The following TOP1 variants were observed in gnomAD, a reference collection of about 807,000 sequenced individuals.
TOP1 encodes DNA topoisomerase I.
Under a neutral mutation model 111.1 loss-of-function variants are expected in TOP1, and 10 were observed. The observed-to-expected ratio is 0.09, with a 90% CI of 0.06 to 0.15. TOP1 has a LOEUF of 0.15. Among genes scored for constraint, TOP1 ranks in the 10% least tolerant of loss-of-function variants. TOP1 has a pLI of 1.00. For synonymous variants in TOP1, 271 were observed against 302.9 expected (o/e 0.89, Z 1.10); for missense variants, 474 against 926.7 (o/e 0.51, Z 6.34).
chr20:41,105,807 T>TTAAG (rs1384734114), intron 13 of TOP1, among the ~76,000 whole-genome samples: 1 of 152,230 alleles, frequency 6.6e-6, no homozygotes, highest in South Asian at 2.1e-4. Context: ...TATTCTCTTG[T>TTAAG]TAAGAGGCAT....
chr20:41,073,085 G>A lies in TOP1; in HGVS notation c.156-3086G>A, dbSNP rs2033685831. 1.3e-5 allele frequency: 13 copies of A among 985,382 alleles called. 1 individual carries two copies. Among genetic ancestry groups the A allele is most frequent in the Non-Finnish European group, 1.6e-5 (13 of 829,916 alleles). The allele number at this position is 985,382 out of a possible 1,614,324, so 61.0% of individuals were successfully genotyped here. ...GTTGACTTTTGGCTTCCTGGCAAATGTCTCATTTGCCTTGTCATTTGTTGA... is the reference window on the plus strand; with the variant it reads ...GTTGACTTTTGGCTTCCTGGCAAATATCTCATTTGCCTTGTCATTTGTTGA... On this transcript the variant is annotated intron_variant, in intron 3 of 20. Transcript: ENST00000361337.
Position 41,097,843 on chromosome 20 carries a change from C to T in TOP1, c.853-372C>T, listed in dbSNP as rs542493860. Among the ~76,000 whole-genome samples the T allele has an allele frequency of 1.4e-4, 21 of 152,260 alleles. No individual in the cohort carries two copies. Among genetic ancestry groups the T allele is most frequent in the Non-Finnish European group, 2.8e-4 (19 of 68,032 alleles). ...CAGTAAAGTTTACTTCCTGAACTAG[C>T]TCAGAAAAAGCAGACTTAATAAATG... On this transcript the variant is annotated intron_variant, in intron 10 of 20. Coordinates refer to ENST00000361337, the MANE Select transcript of TOP1 (RefSeq NM_003286.4). This position sits in a 1 kb window ranked among gnomAD's most constrained non-coding sequence, Gnocchi z 4.2.
intron 2 of TOP1, among the ~76,000 whole-genome samples, chr20:41,049,683 G>A (rs1282402273): frequency 2.0e-5 from 3 of 152,186 alleles, no homozygotes; most frequent in Non-Finnish European, 4.4e-5. Context: ...TATGAAACTT[G>A]ATGAGGGCAG....
intron 3 of TOP1, among the ~76,000 whole-genome samples, chr20:41,066,320 G>A (rs1038926489): frequency 1.3e-5 from 2 of 150,374 alleles, no homozygotes; most frequent in African/African-American, 4.9e-5. Flanking sequence ...TTTAAGTCTC[G>A]TGATCTTGGC....
Position 41,080,056 on chromosome 20 carries a change from C to G in TOP1, c.336-29C>G, listed in dbSNP as rs2145937560. On this transcript the variant is annotated intron_variant, in intron 5 of 20. Coordinates refer to ENST00000361337, the MANE Select transcript of TOP1 (RefSeq NM_003286.4). This position sits in a 1 kb window ranked among gnomAD's most constrained non-coding sequence, Gnocchi z 5.0. ...TTAATAGAATACAGATGTTCTAGCA[C>G]TCTGACCAGCAATTTTTTTTCTCTT... is the stretch of plus-strand genomic sequence containing the variant. 1 of 1,382,844 alleles carries G rather than the reference C, an allele frequency of 7.2e-7. No homozygotes were observed. The highest frequency in any genetic ancestry group is 1.0e-6 in the Non-Finnish European group (1 of 976,718). 85.7% of individuals were successfully genotyped at this position (1,382,844 alleles called of 1,614,324 possible). A position where few individuals can be genotyped will look rare whatever the true frequency, so the allele number is the denominator to read the frequency against.
At chr20:41,048,481 C>T (rs891196910) in intron 2 of TOP1, among the ~76,000 whole-genome samples, 1 of 152,084 alleles carries the variant, frequency 6.6e-6, no homozygotes, top group Non-Finnish European at 1.5e-5. Context: ...TGTGACCAGA[C>T]GTAAGGGGTC....
Position 41,079,984 on chromosome 20 carries a change from A to G in TOP1, c.336-101A>G. 1.3e-6 allele frequency: 1 copy of G among 756,472 alleles called. No homozygotes were observed. The highest frequency in any genetic ancestry group is 2.3e-6 in the Non-Finnish European group (1 of 441,514). 46.9% of individuals were successfully genotyped at this position (756,472 alleles called of 1,614,324 possible). On this transcript the variant is annotated intron_variant, in intron 5 of 20. Transcript: ENST00000361337. The surrounding 1 kb of genome is among the most constrained non-coding windows in gnomAD (Gnocchi z 4.0). ...TCATGATATGTACGTGGTTATCCTT[A>G]TTTCTGTTAGCTTCTTTTCAACGAA...
At chr20:41,053,067 A>G (rs2033426104) in intron 2 of TOP1, among the ~76,000 whole-genome samples, 1 of 152,170 alleles carries the variant, frequency 6.6e-6, no homozygotes, top group African/African-American at 2.4e-5. Context: ...TTTATTTTTT[A>G]ATATGCTCCT....
In TOP1 at chr20:41,089,020, C is replaced by CTTTTTTTTTTTTTTTTTTTTTTTTTT. The variant is rs59200685; in HGVS notation, c.615-3430_615-3429insTTTTTTTTTTTTTTTTTTTTTTTTTT. Among the ~76,000 whole-genome samples, 51 of 77,896 alleles carry CTTTTTTTTTTTTTTTTTTTTTTTTTT rather than the reference C, an allele frequency of 6.5e-4. 11 individuals carry two copies. The highest frequency in any genetic ancestry group is 2.7e-3 in the African/African-American group (43 of 15,820). 51.1% of individuals were successfully genotyped at this position (77,896 alleles called of 152,430 possible). A position where few individuals can be genotyped will look rare whatever the true frequency, so the allele number is the denominator to read the frequency against. On this transcript the variant is annotated intron_variant, in intron 8 of 20. Transcript: ENST00000361337. ...TCCCCACTTCTCTGTTGCCCCAGTT[C>CTTTTTTTTTTTTTTTTTTTTTTTTTT]TTTTTTTTTTTTTTTTTTTTTTGAG...
At chr20:41,107,274 CATT>C (rs1186502052) in intron 13 of TOP1, among the ~76,000 whole-genome samples, 1 of 152,182 alleles carries the variant, frequency 6.6e-6, no homozygotes, top group Non-Finnish European at 1.5e-5. Flanking sequence ...TATTACCAAT[CATT>C]ATTTCTTCCA....
chr20:41,048,956 G>A (rs1240107156), intron 2 of TOP1, among the ~76,000 whole-genome samples: 1 of 152,126 alleles, frequency 6.6e-6, no homozygotes, highest in African/African-American at 2.4e-5. Context: ...AGGAGAGAAG[G>A]TTGTAAAATA....
rs1434904167 is a variant in TOP1, at chr20:41,067,970, C to T, written c.155+6480C>T. 6.6e-6 allele frequency among the ~76,000 whole-genome samples: 1 copy of T among 152,182 alleles called. No individual in the cohort carries two copies. On this transcript the variant is annotated intron_variant, in intron 3 of 20. Transcript: ENST00000361337. The surrounding 1 kb of genome is among the most constrained non-coding windows in gnomAD (Gnocchi z 4.0). ...GTGGACAGGAGTCTGAGGTCACATG[C>T]TCTAAGTCCCACAGTGATGTGGTAG...
chr20:41,099,944 G>C (rs2034036300), intron 11 of TOP1, 112 bp from the exon 12 acceptor site: 2 of 663,098 alleles, frequency 3.0e-6, no homozygotes, highest in South Asian at 3.2e-5. Context: ...TTATTTTTTA[G>C]TGATTTTTCA....
At position 41,115,448 on chromosome 20, in the gene TOP1, A is replaced by T; in HGVS notation, c.1707+9A>T. The T allele has an allele frequency of 6.2e-7, 1 of 1,607,128 alleles. No individual in the cohort carries two copies. The highest frequency in any genetic ancestry group is 2.2e-5 in the East Asian group (1 of 44,840). Reference sequence around the variant, plus strand: ...TTTTTGATAGACTCAATGTGAGTAGATGAAGCACACAATGTTGAAGGGAGT... The same window carrying T: ...TTTTTGATAGACTCAATGTGAGTAGTTGAAGCACACAATGTTGAAGGGAGT... On this transcript the variant is annotated intron_variant, in intron 16 of 20. Transcript: ENST00000361337. This position sits in a 1 kb window ranked among gnomAD's most constrained non-coding sequence, Gnocchi z 6.3.
Position 41,029,512 on chromosome 20 carries a change from G to T in TOP1, c.58+57G>T. The stretch of plus-strand genomic sequence containing the variant: ...CCCCCAGCCGCCGGCCGCCTCCCCC[G>T]CGCCCTGCCGGTGCCGGGCAGAGGA... On this transcript the variant is annotated intron_variant, in intron 2 of 20. Transcript: ENST00000361337. This position sits in a 1 kb window ranked among gnomAD's most constrained non-coding sequence, Gnocchi z 6.1. 1 of 1,428,362 alleles carries T rather than the reference G, an allele frequency of 7.0e-7. No homozygotes were observed. 88.5% of individuals were successfully genotyped at this position (1,428,362 alleles called of 1,614,324 possible).
Position 41,097,021 on chromosome 20 carries a change from T to C in TOP1, c.731-199T>C, listed in dbSNP as rs949097811. Reference sequence around the variant, plus strand: ...CTCCAGAGAATGACCCAGGTAAATATATGCTAAAGAGAAGGAGAATTTGTA... The same window carrying C: ...CTCCAGAGAATGACCCAGGTAAATACATGCTAAAGAGAAGGAGAATTTGTA... On this transcript the variant is annotated intron_variant, in intron 9 of 20. Transcript: ENST00000361337. This position sits in a 1 kb window ranked among gnomAD's most constrained non-coding sequence, Gnocchi z 4.2. 5.9e-5 allele frequency among the ~76,000 whole-genome samples: 9 copies of C among 152,180 alleles called. No individual in the cohort carries two copies. Among genetic ancestry groups the C allele is most frequent in the South Asian group, 2.1e-4 (1 of 4,826 alleles).
At position 41,101,359 on chromosome 20, in the gene TOP1, G is replaced by A. The variant is rs752901648; in HGVS notation, c.1308+6G>A. On this transcript the variant is annotated splice_donor_region_variant and intron_variant, in intron 13 of 20. Transcript: ENST00000361337. The surrounding 1 kb of genome is among the most constrained non-coding windows in gnomAD (Gnocchi z 4.1). Reference sequence around the variant, plus strand: ...ACCCTAGTTCACGAATCAAGGTAAGGGGATAGTTGAGAGCTGCACTGGTTC... The same window carrying A: ...ACCCTAGTTCACGAATCAAGGTAAGAGGATAGTTGAGAGCTGCACTGGTTC... 9 of 1,613,600 alleles carry A rather than the reference G, an allele frequency of 5.6e-6. No individual in the cohort carries two copies. Among genetic ancestry groups the A allele is most frequent in the Non-Finnish European group, 7.6e-6 (9 of 1,179,760 alleles).
At chr20:41,089,851 T>C (rs2033897820) in intron 8 of TOP1, among the ~76,000 whole-genome samples, 1 of 152,258 alleles carries the variant, frequency 6.6e-6, no homozygotes, top group Admixed American at 6.5e-5. Flanking sequence ...TGGTATCTCA[T>C]TGTGGTTTTG....
At chr20:41,060,281 G>C (rs758306299) in intron 2 of TOP1, among the ~76,000 whole-genome samples, 1 of 152,212 alleles carries the variant, frequency 6.6e-6, no homozygotes, top group Non-Finnish European at 1.5e-5. Context: ...GAATGGGTAA[G>C]TTACAGTATA....
Sources: gnomAD v4.1 joint callset for allele counts (sites outside exome capture counted in the v4.1 genomes callset) on GRCh38, gnomAD v4.1.1 for gene constraint, Gnocchi (gnomAD v3.1) non-coding constraint, MANE v1.5 for transcripts, NCBI Gene and HGNC (gene_info 2026-07-23, HGNC 2026-07-21) for gene names.